The following PARVA variants were observed in gnomAD, a reference collection of about 807,000 sequenced individuals.
PARVA encodes the protein alpha-parvin.
In PARVA, 25 loss-of-function variants were observed where a neutral mutation model predicts 52.6. That is an observed-to-expected ratio of 0.48 (90% CI 0.35 to 0.66). The LOEUF is 0.66. PARVA is among the 30% of genes least tolerant of loss of function. The pLI, the probability that PARVA is intolerant of heterozygous loss-of-function variation, is 0.01. For missense variants in PARVA, 373 were observed against 450.9 expected (o/e 0.83, Z 1.56); for synonymous variants, 185 against 179.1 (o/e 1.03, Z -0.26).
At chr11:12,442,771 A>G (rs538408763) in intron 1 of PARVA, among the ~76,000 whole-genome samples, 47 of 152,286 alleles carry the variant, frequency 3.1e-4, no homozygotes, top group Non-Finnish European at 4.7e-4. Context: ...GCTGCTACAC[A>G]TAAAATAAAT....
chr11:12,465,895 A>T (rs1343609816), intron 1 of PARVA, among the ~76,000 whole-genome samples: 1 of 152,240 alleles, frequency 6.6e-6, no homozygotes, highest in Non-Finnish European at 1.5e-5. Context: ...CTGCTGGATT[A>T]TATGGTAAAA....
At chr11:12,499,389 G>A (rs564101578) in intron 5 of PARVA, among the ~76,000 whole-genome samples, 1 of 151,252 alleles carries the variant, frequency 6.6e-6, no homozygotes, top group African/African-American at 2.4e-5. Flanking sequence ...GTAGGGACAG[G>A]CTGCTGAGTT....
chr11:12,513,867 C>T (rs960866469), intron 9 of PARVA, 130 bp from the exon 10 acceptor site: 12 of 777,410 alleles, frequency 1.5e-5, no homozygotes, highest in African/African-American at 1.2e-4. Context: ...CTCCTGGGCC[C>T]AGGGCTCTTG....
intron 1 of PARVA, among the ~76,000 whole-genome samples, chr11:12,434,179 C>T (rs936082981): frequency 6.6e-6 from 1 of 152,168 alleles, no homozygotes; most frequent in Non-Finnish European, 1.5e-5. Context: ...TATCATACCA[C>T]GTAAGCAGTT....
At chr11:12,402,861 G>A (rs933135956) in intron 1 of PARVA, among the ~76,000 whole-genome samples, 2 of 152,172 alleles carry the variant, frequency 1.3e-5, no homozygotes, top group African/African-American at 2.4e-5. Flanking sequence ...TTTCGTACTC[G>A]GAGTGGTTGA....
intron 11 of PARVA, 138 bp downstream of exon 11, chr11:12,517,849 C>G: frequency 1.6e-6 from 1 of 641,294 alleles, no homozygotes; most frequent in Non-Finnish European, 2.8e-6. Context: ...GAGGTGGGAC[C>G]CATTATAAGA....
rs748165530 is a variant in PARVA, at chr11:12,527,923, T to C, written c.1117T>C (p.Ter373ArgextTer49). ...CTTCACCAAGTACCGTAACGTGGAG[T>C]GAGGGGCTGCCCTGGGCCCACCACT... is the stretch of plus-strand genomic sequence containing the variant. ...NLFTKYRNVE[*>R] The change falls in exon 13 of 13, where the codon TGA becomes CGA. Residue 373 changes from the stop codon to arginine (R), a stop_lost. Transcript: ENST00000334956. 1 of 1,610,570 alleles carries C rather than the reference T, an allele frequency of 6.2e-7. No individual in the cohort carries two copies. The highest frequency in any genetic ancestry group is 1.1e-5 in the South Asian group (1 of 90,952).
chr11:12,442,048 C>T (rs1367855198), intron 1 of PARVA, among the ~76,000 whole-genome samples: 1 of 152,202 alleles, frequency 6.6e-6, no homozygotes, highest in Non-Finnish European at 1.5e-5. Context: ...GGGGCCTTGC[C>T]CCTTGTAGCC....
At chr11:12,419,945 T>C (rs1940124425) in intron 1 of PARVA, among the ~76,000 whole-genome samples, 1 of 152,218 alleles carries the variant, frequency 6.6e-6, no homozygotes, top group South Asian at 2.1e-4. Flanking sequence ...TATACTGCTG[T>C]TCAGAATGTC....
At chr11:12,511,116 G>C (rs1941497234) in intron 7 of PARVA, among the ~76,000 whole-genome samples, 1 of 152,128 alleles carries the variant, frequency 6.6e-6, no homozygotes, top group South Asian at 2.1e-4. Flanking sequence ...TCTGCATTGA[G>C]GGGTTGCTTG....
chr11:12,511,276 T>C, intron 7 of PARVA, among the ~76,000 whole-genome samples: 1 of 152,092 alleles, frequency 6.6e-6, no homozygotes, highest in East Asian at 1.9e-4. Context: ...ATTACACCAC[T>C]ATATGGGTGT....
At chr11:12,475,469 C>T (rs989277022) in intron 3 of PARVA, among the ~76,000 whole-genome samples, 1 of 152,016 alleles carries the variant, frequency 6.6e-6, no homozygotes, top group African/African-American at 2.4e-5. Flanking sequence ...TATCATTGTA[C>T]CCCAAGGACC....
intron 1 of PARVA, among the ~76,000 whole-genome samples, chr11:12,465,788 T>G (rs1003625597): frequency 2.0e-5 from 3 of 152,228 alleles, no homozygotes; most frequent in Non-Finnish European, 4.4e-5. Context: ...TGCTTGCAGT[T>G]TTGGGTGATT....
intron 1 of PARVA, among the ~76,000 whole-genome samples, chr11:12,381,144 T>G (rs1280828857): frequency 6.6e-6 from 1 of 152,190 alleles, no homozygotes; most frequent in Non-Finnish European, 1.5e-5. Context: ...GGCAGTGGGT[T>G]GGTTTGAAAT....
intron 5 of PARVA, among the ~76,000 whole-genome samples, chr11:12,500,652 G>T (rs1474258004): frequency 6.6e-6 from 1 of 151,528 alleles, no homozygotes; most frequent in African/African-American, 2.4e-5. Context: ...TTAGCCCAGC[G>T]TGGTGGCAGG....
intron 4 of PARVA, among the ~76,000 whole-genome samples, chr11:12,482,810 C>T (rs1029179418): frequency 6.6e-6 from 1 of 152,282 alleles, no homozygotes; most frequent in Admixed American, 6.5e-5. Flanking sequence ...TATTCACTAC[C>T]CCATGATTCA....
Position 12,377,612 on chromosome 11 carries a change from G to T in PARVA, c.-36G>T. ...GCTGCGTCCGCCCAGCGCCAGCTCC[G>T]CGTCCCGACCGGCCCGCGGCAGCCT... On this transcript the variant is annotated 5_prime_UTR_variant, in exon 1 of 13. Transcript: ENST00000334956. The T allele has an allele frequency of 6.5e-7, 1 of 1,548,906 alleles. No homozygotes were observed. The highest frequency in any genetic ancestry group is 8.7e-7 in the Non-Finnish European group (1 of 1,153,958).
At chr11:12,498,325 T>C (rs1353184127) in intron 5 of PARVA, among the ~76,000 whole-genome samples, 2 of 152,120 alleles carry the variant, frequency 1.3e-5, no homozygotes, top group Non-Finnish European at 2.9e-5. Context: ...CACAAGCCAC[T>C]GTGCCCAGCC....
intron 1 of PARVA, among the ~76,000 whole-genome samples, chr11:12,447,850 A>G (rs7120489): frequency 0.86 from 131,252 of 152,236 alleles, 58,011 homozygotes; most frequent in East Asian, 1. Flanking sequence ...TGAAGTCAGT[A>G]GGACCCCTGT....
Sources: allele counts gnomAD v4.1 joint callset (sites outside exome capture counted in the v4.1 genomes callset), GRCh38; gene constraint gnomAD v4.1.1; transcripts MANE v1.5; gene names NCBI Gene and HGNC (gene_info 2026-07-23, HGNC 2026-07-21).